MGAT1: variants seen among roughly 807,000 people sequenced by gnomAD.
MGAT1 encodes the protein alpha-1,3-mannosyl-glycoprotein 2-beta-N-acetylglucosaminyltransferase, also known as N-glycosyl-oligosaccharide-glycoprotein N-acetylglucosaminyltransferase I.
A neutral mutation model predicts 31.7 loss-of-function variants in MGAT1; 14 were observed. The ratio of observed to expected loss-of-function variants is 0.44; its 90% CI spans 0.29 to 0.69. MGAT1 has a LOEUF of 0.69. MGAT1 is among the 30% of genes least tolerant of loss of function. The pLI is 0.12. For missense variants in MGAT1, 557 were observed against 626.0 expected, an observed-to-expected ratio of 0.89 and a Z score of 1.18; for synonymous variants, 338 against 276.0, an observed-to-expected ratio of 1.22 and a Z score of -2.23.
chr5:180,806,007 GC>G (rs1314973174), upstream of MGAT1, among the ~76,000 whole-genome samples: 1 of 152,178 alleles, frequency 6.6e-6, no homozygotes, highest in Non-Finnish European at 1.5e-5. Flanking sequence ...TACACACACG[GC>G]CGGGCACCGT....
chr5:180,793,203 G>C, intron 1 of MGAT1, 106 bp from the exon 2 acceptor site: 2 of 589,628 alleles, frequency 3.4e-6, no homozygotes, highest in Non-Finnish European at 6.0e-6. Context: ...GAGGGTGGAG[G>C]AAGGCCAGGA....
At chr5:180,808,159 G>A (rs1227545789) in intron 2 of MGAT1, among the ~76,000 whole-genome samples, 1 of 152,078 alleles carries the variant, frequency 6.6e-6, no homozygotes, top group Non-Finnish European at 1.5e-5. Flanking sequence ...AGCTTTCATG[G>A]GCTAAGCTCC....
intron 1 of MGAT1, among the ~76,000 whole-genome samples, chr5:180,800,534 T>C (rs1159770690): frequency 2.0e-5 from 3 of 152,202 alleles, no homozygotes; most frequent in Non-Finnish European, 4.4e-5. Flanking sequence ...GAGTGCTCAC[T>C]AGAACCCCTC....
chr5:180,788,926 T>C lies in MGAT1; in HGVS notation c.*2708A>G, dbSNP rs1380424915. 2 of 152,282 alleles carry C rather than the reference T, an allele frequency of 1.3e-5. No homozygotes were observed. Among genetic ancestry groups the C allele is most frequent in the Non-Finnish European group, 2.9e-5 (2 of 68,094 alleles). The allele number at this position is 152,282 out of a possible 1,614,324, so 9.4% of individuals were successfully genotyped here. On this transcript the variant is annotated 3_prime_UTR_variant, in exon 2 of 2. Coordinates refer to ENST00000307826, the MANE Select transcript of MGAT1 (RefSeq NM_002406.4). ...GCACTTGGCTAGCTGCATGACATGC[T>C]ATGCGCATGGAGCGTGGCGGCCAAA...
chr5:180,802,199 C>T (rs1770925171), intron 1 of MGAT1, among the ~76,000 whole-genome samples: 1 of 152,174 alleles, frequency 6.6e-6, no homozygotes, highest in South Asian at 2.1e-4. Flanking sequence ...CTCTACTCCA[C>T]ACACGTTAGC....
At chr5:180,794,766 G>T (rs1447821970) in intron 1 of MGAT1, among the ~76,000 whole-genome samples, 1 of 152,126 alleles carries the variant, frequency 6.6e-6, no homozygotes. Context: ...AACGTCCTCT[G>T]GTGAGTGAGC....
chr5:180,807,182 C>G (rs1288434877), upstream of MGAT1, among the ~76,000 whole-genome samples: 3 of 152,094 alleles, frequency 2.0e-5, no homozygotes, highest in African/African-American at 7.3e-5. Flanking sequence ...TGCAGATGAC[C>G]TCACTGTCAC....
At chr5:180,801,144 G>A (rs907300521) in intron 1 of MGAT1, among the ~76,000 whole-genome samples, 2 of 152,246 alleles carry the variant, frequency 1.3e-5, no homozygotes, top group African/African-American at 4.8e-5. Flanking sequence ...TAGGAGCTGT[G>A]AGATCCTTTC....
At chr5:180,795,417 G>C (rs1001661401) in intron 1 of MGAT1, 7 of 152,020 alleles carry the variant, frequency 4.6e-5, no homozygotes, top group African/African-American at 1.7e-4. Context: ...TTAAAAAGAC[G>C]TTATTGGGTA....
chr5:180,797,337 G>C (rs1196100165), intron 1 of MGAT1, among the ~76,000 whole-genome samples: 3 of 150,340 alleles, frequency 2.0e-5, no homozygotes, highest in Non-Finnish European at 4.4e-5. Context: ...GGGAGGCGGA[G>C]GTTGCAGTGA....
chr5:180,811,381 T>C (rs1355171339), intron 1 of MGAT1: 1 of 152,220 alleles, frequency 6.6e-6, no homozygotes, highest in Admixed American at 6.5e-5. Context: ...ATTGCTTAAT[T>C]ATATTGCTTG....
At chr5:180,809,794 C>T (rs1217139497) in intron 1 of MGAT1, 1 of 148,984 alleles carries the variant, frequency 6.7e-6, no homozygotes, top group South Asian at 2.2e-4. Flanking sequence ...AACACACACA[C>T]ATCCATTCTC....
chr5:180,789,988 G>A lies in MGAT1; in HGVS notation c.*1646C>T, dbSNP rs1767852388. Reference sequence around the variant, plus strand: ...CAGAAACTCTCAGAATGTTGCACGTGATATGCAGAGGTAACAGTCTGTCTG... The same window carrying A: ...CAGAAACTCTCAGAATGTTGCACGTAATATGCAGAGGTAACAGTCTGTCTG... On this transcript the variant is annotated 3_prime_UTR_variant, in exon 2 of 2. Coordinates refer to ENST00000307826, the MANE Select transcript of MGAT1 (RefSeq NM_002406.4). 1.3e-5 allele frequency: 2 copies of A among 152,204 alleles called. No individual in the cohort carries two copies. Among genetic ancestry groups the A allele is most frequent in the Admixed American group, 6.5e-5 (1 of 15,284 alleles). 9.4% of individuals were successfully genotyped at this position (152,204 alleles called of 1,614,324 possible).
At position 180,794,411 on chromosome 5, in the gene MGAT1, T is replaced by TTTTTTTTATATATATATA. The variant is rs528893463; in HGVS notation, c.-126-1315_-126-1314insTATATATATATAAAAAAA. On this transcript the variant is annotated intron_variant, in intron 1 of 1. Coordinates refer to ENST00000307826, the MANE Select transcript of MGAT1 (RefSeq NM_002406.4). ...TCTGTCTCAAAAAAATTTTTTTTTA[T>TTTTTTTTATATATATATA]TATATATATATATATATGGCATACT... Among the ~76,000 whole-genome samples the TTTTTTTTATATATATATA allele has an allele frequency of 4.2e-5, 6 of 142,034 alleles. No individual in the cohort carries two copies. The South Asian group carries it at 6.5e-4, about 15-fold the overall frequency. 93.2% of individuals were successfully genotyped at this position (142,034 alleles called of 152,430 possible).
rs682828 is a variant in MGAT1 at position 180,787,474 on chromosome 5, C to T, written c.*4160G>A. On this transcript the variant is annotated 3_prime_UTR_variant, in exon 2 of 2. Coordinates refer to ENST00000307826, the MANE Select transcript of MGAT1 (RefSeq NM_002406.4). The stretch of plus-strand genomic sequence containing the variant: ...CATTTGTATGTTATTTAAAGTTACA[C>T]AGCCAGACAAATATGTACATAACAC... 0.32 allele frequency: 48,607 copies of T among 152,160 alleles called. 10,932 individuals carry two copies. Among genetic ancestry groups the T allele is most frequent in the African/African-American group, 0.64 (26,527 of 41,480 alleles). The allele number at this position is 152,160 out of a possible 1,614,324, so 9.4% of individuals were successfully genotyped here.
In MGAT1 at chr5:180,785,568, A is replaced by G. The variant is rs1429327946; in HGVS notation, c.*6066T>C. On this transcript the variant is annotated 3_prime_UTR_variant, in exon 2 of 2. Transcript: ENST00000307826. ...CAGATGTCTTCCATGAACTCCCTGG[A>G]GCTCAAGGCCCCAAGTGTGCCTGTT... The G allele has an allele frequency of 6.6e-6, 1 of 152,238 alleles. No homozygotes were observed. Among genetic ancestry groups the G allele is most frequent in the African/African-American group, 2.4e-5 (1 of 41,444 alleles). The allele number at this position is 152,238 out of a possible 1,614,324, so 9.4% of individuals were successfully genotyped here.
At chr5:180,795,540 T>A (rs1447537097) in intron 1 of MGAT1, 1 of 152,192 alleles carries the variant, frequency 6.6e-6, no homozygotes, top group African/African-American at 2.4e-5. Context: ...CCAGGATAGA[T>A]GCAACTTCTC....
rs187987268 is a variant in MGAT1, at chr5:180,796,208, C to G, written c.-126-3111G>C. On this transcript the variant is annotated intron_variant, in intron 1 of 1. Transcript: ENST00000307826. ...GCAGATCTGGTATAAAAGGGCTGATCCTGAAGGGCCTCTAAAGAGACATGG... is the reference window on the plus strand; with the variant it reads ...GCAGATCTGGTATAAAAGGGCTGATGCTGAAGGGCCTCTAAAGAGACATGG... 1.5e-3 allele frequency among the ~76,000 whole-genome samples: 229 copies of G among 152,212 alleles called. 1 individual carries two copies. The highest frequency in any genetic ancestry group is 4.6e-3 in the African/African-American group (193 of 41,518).
upstream of MGAT1, among the ~76,000 whole-genome samples, chr5:180,807,018 C>A (rs1006686113): frequency 3.9e-5 from 6 of 152,168 alleles, no homozygotes; most frequent in Non-Finnish European, 8.8e-5. Context: ...AAGTACAGCT[C>A]GGGAGCAGCA....
Sources: gnomAD v4.1 joint callset for allele counts (sites outside exome capture counted in the v4.1 genomes callset) on GRCh38, gnomAD v4.1.1 for gene constraint, MANE v1.5 for transcripts, NCBI Gene and HGNC (gene_info 2026-07-23, HGNC 2026-07-21) for gene names.